The following NTF3 variants were observed in gnomAD, a reference collection of about 807,000 sequenced individuals.
NTF3 encodes the protein neurotrophin-3.
Under a neutral mutation model 26.3 loss-of-function variants are expected in NTF3, and 8 were observed. The ratio of observed to expected loss-of-function variants is 0.30; its 90% CI spans 0.18 to 0.55. The LOEUF is 0.55. Among genes scored for constraint, NTF3 ranks in the 20% least tolerant of loss-of-function variants. NTF3 has a pLI of 0.93. For missense variants in NTF3, 276 were observed against 352.9 expected, an observed-to-expected ratio of 0.78 and a Z score of 1.75; for synonymous variants, 154 against 145.5, an observed-to-expected ratio of 1.06 and a Z score of -0.42.
chr12:5,442,301 T>G (rs1051359773), intron 1 of NTF3, among the ~76,000 whole-genome samples: 6 of 152,138 alleles, frequency 3.9e-5, no homozygotes, highest in Non-Finnish European at 8.8e-5. Flanking sequence ...CACATGACAG[T>G]GGTTTTCTTG....
intron 1 of NTF3, among the ~76,000 whole-genome samples, chr12:5,432,556 TACACAC>T (rs57075143): frequency 0.23 from 29,014 of 123,770 alleles, 3,601 homozygotes; most frequent in Admixed American, 0.26. Flanking sequence ...GCCACCCCGC[TACACAC>T]ACACACACAC....
chr12:5,480,107 G>C (rs969242152), intron 1 of NTF3, among the ~76,000 whole-genome samples: 4 of 152,152 alleles, frequency 2.6e-5, no homozygotes, highest in African/African-American at 9.7e-5. Context: ...GCTGTTGAAC[G>C]CCACCTTTTT....
chr12:5,432,920 G>C (rs868155162), intron 1 of NTF3, among the ~76,000 whole-genome samples: 1 of 152,092 alleles, frequency 6.6e-6, no homozygotes, highest in African/African-American at 2.4e-5. Context: ...TCTGCCGGCC[G>C]CTGAGCCTGA....
Position 5,494,818 on chromosome 12 carries a change from A to C in NTF3, c.643A>C (p.Lys215Gln). The C allele has an allele frequency of 1.2e-6, 2 of 1,614,152 alleles. No homozygotes were observed. The highest frequency in any genetic ancestry group is 1.7e-6 in the Non-Finnish European group (2 of 1,180,026). The stretch of plus-strand genomic sequence containing the variant: ...GCGATGTAAGGAAGCCAGGCCGGTC[A>C]AAAACGGTTGCAGGGGTATTGATGA... ...ETRCKEARPV[K>Q]NGCRGIDDKH... The change falls in exon 2 of 2, where the codon AAA becomes CAA. Residue 215 changes from lysine to glutamine, a missense_variant. By Grantham distance (53) the Lys-to-Gln change is moderately conservative. Around this residue, in one of 3 missense-constraint regions of NTF3, gnomAD observed 52 missense variants for 78.4 expected, o/e 0.66. Transcript: ENST00000423158. This position sits in a 1 kb window ranked among gnomAD's most constrained non-coding sequence, Gnocchi z 8.3.
At chr12:5,452,676 G>A (rs1440993177) in intron 1 of NTF3, among the ~76,000 whole-genome samples, 1 of 152,174 alleles carries the variant, frequency 6.6e-6, no homozygotes, top group Non-Finnish European at 1.5e-5. Context: ...GGGAGCCGGG[G>A]CTGATGGTTA....
chr12:5,434,483 G>T (rs1334247590), intron 1 of NTF3, among the ~76,000 whole-genome samples: 1 of 151,454 alleles, frequency 6.6e-6, no homozygotes, highest in East Asian at 1.9e-4. Flanking sequence ...GTGTGTGTGT[G>T]TGTGTGTGTG....
intron 1 of NTF3, among the ~76,000 whole-genome samples, chr12:5,436,013 T>C (rs1384353154): frequency 1.3e-5 from 2 of 152,070 alleles, no homozygotes; most frequent in African/African-American, 4.8e-5. Context: ...TGTGCATCTT[T>C]AGCGAAAAAA....
intron 1 of NTF3, 121 bp downstream of exon 1, chr12:5,432,463 C>A: frequency 8.9e-7 from 1 of 1,124,964 alleles, no homozygotes; most frequent in Non-Finnish European, 1.3e-6. Context: ...CCACCCCCAT[C>A]GCGCCGCGCT....
chr12:5,432,801 C>T (rs1324238774), intron 1 of NTF3, among the ~76,000 whole-genome samples: 2 of 152,078 alleles, frequency 1.3e-5, no homozygotes, highest in Non-Finnish European at 2.9e-5. Flanking sequence ...CCAACCGACC[C>T]GCCTGCTCCT....
intron 1 of NTF3, among the ~76,000 whole-genome samples, chr12:5,479,419 G>T (rs1940760906): frequency 6.6e-6 from 1 of 152,324 alleles, no homozygotes; most frequent in Middle Eastern, 3.4e-3. Context: ...TCTGCATTTT[G>T]TAGATATGAG....
At chr12:5,454,008 A>G (rs1457878006) in intron 1 of NTF3, among the ~76,000 whole-genome samples, 2 of 152,178 alleles carry the variant, frequency 1.3e-5, no homozygotes, top group Admixed American at 1.3e-4. Context: ...GTAGCCTAAG[A>G]CTACCCCTGA....
chr12:5,486,184 C>T (rs779694382), intron 1 of NTF3, among the ~76,000 whole-genome samples: 25 of 152,236 alleles, frequency 1.6e-4, no homozygotes, highest in Non-Finnish European at 3.5e-4. Flanking sequence ...CATCTGACCA[C>T]ACTTTCTGCA....
intron 1 of NTF3, among the ~76,000 whole-genome samples, chr12:5,442,198 C>G (rs1456564651): frequency 6.6e-6 from 1 of 152,150 alleles, no homozygotes; most frequent in Non-Finnish European, 1.5e-5. Flanking sequence ...ATACAGGGTT[C>G]CCACTTCAGG....
chr12:5,488,828 G>A (rs1333157790), intron 1 of NTF3, among the ~76,000 whole-genome samples: 1 of 152,174 alleles, frequency 6.6e-6, no homozygotes, highest in Non-Finnish European at 1.5e-5. Context: ...GGACACAGCT[G>A]GCCAGCGTCC....
intron 1 of NTF3, among the ~76,000 whole-genome samples, chr12:5,474,616 T>C (rs569312488): frequency 2.2e-4 from 34 of 152,250 alleles, no homozygotes; most frequent in Admixed American, 3.3e-4. Flanking sequence ...TTGGAGGTTA[T>C]AGAGAAGAAC....
At position 5,433,901 on chromosome 12, in the gene NTF3, C is replaced by G. The variant is rs1304490577; in HGVS notation, c.18+1559C>G. 1.3e-5 allele frequency among the ~76,000 whole-genome samples: 2 copies of G among 152,136 alleles called. No individual in the cohort carries two copies. Among genetic ancestry groups the G allele is most frequent in the Admixed American group, 1.3e-4 (2 of 15,286 alleles). The stretch of plus-strand genomic sequence containing the variant: ...AAGGGGTGGGTGTTTCTCCTGGAGC[C>G]TGATGTTTGTAACTCAGCTGATTAT... On this transcript the variant is annotated intron_variant, in intron 1 of 1. Transcript: ENST00000423158. The surrounding 1 kb of genome is among the most constrained non-coding windows in gnomAD (Gnocchi z 4.6).
chr12:5,431,554 G>T (rs1171787313), upstream of NTF3, among the ~76,000 whole-genome samples: 1 of 151,976 alleles, frequency 6.6e-6, no homozygotes, highest in Admixed American at 6.5e-5. Flanking sequence ...GGGGTGGGGG[G>T]AGGAGTGGCG....
intron 1 of NTF3, among the ~76,000 whole-genome samples, chr12:5,444,047 T>C (rs1310962041): frequency 6.6e-6 from 1 of 150,638 alleles, no homozygotes; most frequent in East Asian, 1.9e-4. Flanking sequence ...GGCTCTTGTC[T>C]GAATCAAGAA....
At chr12:5,468,543 C>T (rs180748249) in intron 1 of NTF3, among the ~76,000 whole-genome samples, 173 of 152,280 alleles carry the variant, frequency 1.1e-3, no homozygotes, top group African/African-American at 4.0e-3. Context: ...GTTACGAGTC[C>T]TTTCTCCTAT....
Sources: allele counts gnomAD v4.1 joint callset (sites outside exome capture counted in the v4.1 genomes callset), GRCh38; gene constraint gnomAD v4.1.1; regional missense constraint gnomAD v4.1.1; non-coding constraint Gnocchi (gnomAD v3.1); transcripts MANE v1.5; gene names NCBI Gene and HGNC (gene_info 2026-07-23, HGNC 2026-07-21).